Variants in NAV2 observed in about 807,000 individuals in gnomAD.
NAV2 encodes neuron navigator 2.
In NAV2, 54 loss-of-function variants were observed where a neutral mutation model predicts 223.2. That is an observed-to-expected ratio of 0.24 (90% CI 0.19 to 0.30). NAV2 has a LOEUF of 0.30. Ranked by LOEUF, NAV2 falls within the 10% of genes least tolerant of loss-of-function variation. The pLI is 1.00. For synonymous variants in NAV2, 1,279 were observed against 1,239.3 expected (o/e 1.03, Z -0.67); for missense variants, 2,806 against 3,147.5 (o/e 0.89, Z 2.60).
chr11:19,649,953 A>T (rs1365671308), intron 1 of NAV2, among the ~76,000 whole-genome samples: 1 of 152,248 alleles, frequency 6.6e-6, no homozygotes, highest in Non-Finnish European at 1.5e-5. Flanking sequence ...ATTGGCAACG[A>T]CATGAAGCAA....
In NAV2 at chr11:19,416,030, C is replaced by T. The variant is rs193275652; in HGVS notation, c.75+65003C>T. Among the ~76,000 whole-genome samples, 321 of 152,134 alleles carry T rather than the reference C, an allele frequency of 2.1e-3. 1 individual carries two copies. The Middle Eastern group carries it at 0.027, about 13-fold the overall frequency. On this transcript the variant is annotated intron_variant, in intron 1 of 37. Coordinates refer to the NAV2 transcript ENST00000360655. ...GCTGGGAGCATTCCCTTCGAAAACC[C>T]ACACAAGACAAGTATGCCCTCTCTC...
At chr11:19,803,388 T>A (rs2058376633) in intron 1 of NAV2, among the ~76,000 whole-genome samples, 1 of 152,142 alleles carries the variant, frequency 6.6e-6, no homozygotes, top group Non-Finnish European at 1.5e-5. Flanking sequence ...ACTGCAGAGG[T>A]TACCTTGGGG....
rs777426797 is a variant in NAV2, at chr11:20,048,804, A to G, written c.3979A>G (p.Asn1327Asp). Residue 1327 changes from asparagine to aspartate, a missense_variant, in exon 15 of 38, where the codon AAT becomes GAT. Coordinates refer to ENST00000349880, the MANE Select transcript of NAV2 (RefSeq NM_145117.5). ...ENMKNSVVIS[N>D]PHATMTQQGN... ...CATGAAAAATTCGGTGGTCATCTCC[A>G]ATCCTCATGCCACCATGACTCAGCA... 1.9e-6 allele frequency: 3 copies of G among 1,614,028 alleles called. No homozygotes were observed. The East Asian group carries it at 6.7e-5, about 36-fold the overall frequency.
chr11:19,654,344 C>A (rs2048055433), intron 1 of NAV2, among the ~76,000 whole-genome samples: 1 of 152,152 alleles, frequency 6.6e-6, no homozygotes, highest in African/African-American at 2.4e-5. Flanking sequence ...TCAATGCCAT[C>A]CCCATCAAGC....
intron 1 of NAV2, among the ~76,000 whole-genome samples, chr11:19,412,712 G>T (rs1472850055): frequency 6.6e-6 from 1 of 152,218 alleles, no homozygotes; most frequent in Non-Finnish European, 1.5e-5. Context: ...CTCTGATGAA[G>T]CTTCCAAAGG....
intron 1 of NAV2, among the ~76,000 whole-genome samples, chr11:19,639,632 A>G (rs1358058999): frequency 2.0e-5 from 3 of 152,190 alleles, no homozygotes; most frequent in African/African-American, 7.2e-5. Context: ...GGAGGTAGAA[A>G]AAACAACCCC....
Position 19,949,015 on chromosome 11 carries a change from C to A in NAV2, c.2580C>A (p.Ala860=). 6.2e-7 allele frequency: 1 copy of A among 1,613,848 alleles called. No homozygotes were observed. The change falls in exon 10 of 38, where the codon GCC becomes GCA. Residue 860 remains alanine (A), a synonymous_variant. Transcript: ENST00000349880. ...ACCTGGAAGGCATCAGCATGGATGC[C>A]CCCGGCTACATGAGCGACGGGGATG... is the stretch of plus-strand genomic sequence containing the variant. ...EMDLEGISMD[A]PGYMSDGDVL... is the part of the protein sequence containing the mutation.
Position 20,049,105 on chromosome 11 carries a change from A to G in NAV2, c.4280A>G (p.Asn1427Ser), listed in dbSNP as rs753348946. The stretch of plus-strand genomic sequence containing the variant: ...AGCAGTGGAGGGGTCCCCAGCCACA[A>G]TTCTTCCACTGGCCTCATCGCCTCC... Reference protein sequence around the residue: ...SLSSGGVPSHNSSTGLIASSK... With the variant: ...SLSSGGVPSHSSSTGLIASSK... The change falls in exon 15 of 38, where the codon AAT becomes AGT. Residue 1427 changes from asparagine (N) to serine (S), a missense_variant. Around this residue, in one of 4 missense-constraint regions of NAV2, gnomAD observed 742 missense variants for 777.9 expected, o/e 0.95. Transcript: ENST00000349880. The G allele has an allele frequency of 1.4e-5, 23 of 1,613,896 alleles. No individual in the cohort carries two copies. In the Admixed American group the frequency reaches 1.7e-4, roughly 12 times the overall value.
In NAV2 at chr11:19,948,946, T is replaced by A. The variant is rs749607269; in HGVS notation, c.2511T>A (p.Ser837Arg). The A allele has an allele frequency of 1.2e-6, 2 of 1,613,892 alleles. No homozygotes were observed. Among genetic ancestry groups the A allele is most frequent in the Non-Finnish European group, 1.7e-6 (2 of 1,179,892 alleles). Residue 837 changes from serine to arginine, a missense_variant, in exon 10 of 38, where the codon AGT (serine) becomes AGA (arginine). By Grantham distance (110) the Ser-to-Arg change is moderately radical. Around this residue, in one of 4 missense-constraint regions of NAV2, gnomAD observed 1,167 missense variants for 1,180.5 expected, o/e 0.99. Transcript: ENST00000349880. ...LRRQLASRGS[S>R]VCHVDVSDKA... is the part of the protein sequence containing the mutation. ...GGCAGCTGGCCTCCCGGGGCAGTAGTGTCTGCCATGTGGACGTCTCAGACA... is the reference window on the plus strand; with the variant it reads ...GGCAGCTGGCCTCCCGGGGCAGTAGAGTCTGCCATGTGGACGTCTCAGACA...
chr11:19,593,363 T>C (rs1225483567), intron 1 of NAV2, among the ~76,000 whole-genome samples: 1 of 152,210 alleles, frequency 6.6e-6, no homozygotes, highest in African/African-American at 2.4e-5. Context: ...TTCTGTTCCA[T>C]GGATATGCCA....
intron 6 of NAV2, among the ~76,000 whole-genome samples, chr11:19,931,951 G>GCATC (rs1233553057): frequency 6.6e-6 from 1 of 152,130 alleles, no homozygotes; most frequent in Non-Finnish European, 1.5e-5. Flanking sequence ...TCCAACAGCT[G>GCATC]TCCTTCCTTG....
In NAV2 at chr11:20,022,549, G is replaced by A. The variant is rs182671117; in HGVS notation, c.2769-13410G>A. 358 of 985,488 alleles carry A rather than the reference G, an allele frequency of 3.6e-4. 3 individuals carry two copies. The highest frequency in any genetic ancestry group is 2.5e-3 in the South Asian group (53 of 21,286). The allele number at this position is 985,488 out of a possible 1,614,324, so 61.0% of individuals were successfully genotyped here. A position where few individuals can be genotyped will look rare whatever the true frequency, so the allele number is the denominator to read the frequency against. ...CTTTTTAGGTTCAGAAATTCTCTCT[G>A]TAGGCTAATCTTTTCAATCGAATGC... On this transcript the variant is annotated intron_variant, in intron 11 of 37. Coordinates refer to ENST00000349880, the MANE Select transcript of NAV2 (RefSeq NM_145117.5).
intron 1 of NAV2, among the ~76,000 whole-genome samples, chr11:19,581,074 A>G (rs976940116): frequency 2.6e-5 from 4 of 152,134 alleles, no homozygotes; most frequent in Admixed American, 6.6e-5. Context: ...CTTTTCTGTG[A>G]GATGTCTGTT....
chr11:19,913,900 T>A (rs1027722598), intron 6 of NAV2, among the ~76,000 whole-genome samples: 1 of 152,220 alleles, frequency 6.6e-6, no homozygotes, highest in Non-Finnish European at 1.5e-5. Context: ...CAACTCTGGA[T>A]AAAACCTTGT....
At position 19,929,398 on chromosome 11, in the gene NAV2, C is replaced by A. The variant is rs1207929357; in HGVS notation, c.932-3778C>A. ...ACAAGACCACTCATGACTTGACATACCCTTCATGTCATAGGGGACTTCTGG... is the reference window on the plus strand; with the variant it reads ...ACAAGACCACTCATGACTTGACATAACCTTCATGTCATAGGGGACTTCTGG... On this transcript the variant is annotated intron_variant, in intron 6 of 37. Coordinates refer to ENST00000349880, the MANE Select transcript of NAV2 (RefSeq NM_145117.5). Among the ~76,000 whole-genome samples the A allele has an allele frequency of 2.6e-5, 4 of 152,118 alleles. No homozygotes were observed. In the East Asian group the frequency reaches 7.7e-4, roughly 29 times the overall value.
At chr11:20,086,035 G>A (rs557276364) in intron 26 of NAV2, among the ~76,000 whole-genome samples, 22 of 152,296 alleles carry the variant, frequency 1.4e-4, no homozygotes, top group Admixed American at 3.3e-4. Flanking sequence ...AAACAGGTTC[G>A]ATATGTCTGA....
intron 31 of NAV2, 109 bp downstream of exon 31, chr11:20,097,854 G>A (rs2061382645): frequency 1.0e-6 from 1 of 989,070 alleles, no homozygotes; most frequent in Non-Finnish European, 1.5e-6. Context: ...GTATTTGTGG[G>A]CTGCTTGTCT....
intron 1 of NAV2, among the ~76,000 whole-genome samples, chr11:19,717,726 G>A (rs1218486331): frequency 6.6e-6 from 1 of 152,192 alleles, no homozygotes; most frequent in Admixed American, 6.5e-5. Context: ...TCCGGAGAGG[G>A]TGTCCGTTAA....
In NAV2 at chr11:20,121,497, A is replaced by G. The variant is rs900284084; in HGVS notation, c.*3239A>G. 2 of 152,428 alleles carry G rather than the reference A, an allele frequency of 1.3e-5. No homozygotes were observed. The highest frequency in any genetic ancestry group is 1.3e-4 in the Admixed American group (2 of 15,270). 9.4% of individuals were successfully genotyped at this position (152,428 alleles called of 1,614,324 possible). On this transcript the variant is annotated 3_prime_UTR_variant, in exon 38 of 38. Transcript: ENST00000349880. ...TGTCATGAGGTTTTTGGATTTGCCA[A>G]TGATCTGCTGGACATCATGCCCCAT...
Sources: gnomAD v4.1 joint callset for allele counts (sites outside exome capture counted in the v4.1 genomes callset) on GRCh38, gnomAD v4.1.1 for gene constraint, gnomAD v4.1.1 regional missense constraint, MANE v1.5 for transcripts, NCBI Gene and HGNC (gene_info 2026-07-23, HGNC 2026-07-21) for gene names.